The following KCND2 variants were observed in gnomAD, a reference collection of about 807,000 sequenced individuals.
KCND2 encodes the protein A-type voltage-gated potassium channel KCND2.
Under a neutral mutation model 54.4 loss-of-function variants are expected in KCND2, and 16 were observed. The observed-to-expected ratio is 0.29, with a 90% CI of 0.20 to 0.45. The LOEUF (loss-of-function observed/expected upper bound fraction) is 0.45, where lower values mean the gene tolerates loss of function less well. Ranked by LOEUF, KCND2 falls within the 20% of genes least tolerant of loss-of-function variation. The pLI is 1.00. For synonymous variants in KCND2, 317 were observed against 310.7 expected, an observed-to-expected ratio of 1.02 and a Z score of -0.21; for missense variants, 486 against 824.2, an observed-to-expected ratio of 0.59 and a Z score of 5.02.
chr7:120,342,244 T>C (rs890735135), intron 1 of KCND2, among the ~76,000 whole-genome samples: 2 of 152,162 alleles, frequency 1.3e-5, no homozygotes, highest in African/African-American at 4.8e-5. Context: ...TAAAGTGTTT[T>C]GTCTCTGGAA....
intron 1 of KCND2, among the ~76,000 whole-genome samples, chr7:120,420,875 C>T (rs1232592934): frequency 6.6e-6 from 1 of 152,140 alleles, no homozygotes; most frequent in Admixed American, 6.6e-5. Flanking sequence ...AATCATTCGA[C>T]ATACATAAAA....
chr7:120,504,672 TG>T (rs1432824043), intron 1 of KCND2, among the ~76,000 whole-genome samples: 1 of 151,876 alleles, frequency 6.6e-6, no homozygotes, highest in African/African-American at 2.4e-5. Flanking sequence ...AGAAAAATAT[TG>T]GTATACATGT....
At chr7:120,663,112 T>C (rs1238253320) in intron 1 of KCND2, among the ~76,000 whole-genome samples, 4 of 152,220 alleles carry the variant, frequency 2.6e-5, no homozygotes, top group Non-Finnish European at 2.9e-5. Context: ...ATTTGTACCA[T>C]GTAGCGGTAC....
chr7:120,585,384 T>C (rs1036597904), intron 1 of KCND2, among the ~76,000 whole-genome samples: 2 of 152,052 alleles, frequency 1.3e-5, no homozygotes, highest in Non-Finnish European at 1.5e-5. Flanking sequence ...GAGTTTGATA[T>C]GGTCTGATTT....
chr7:120,489,170 C>T (rs1379276756), intron 1 of KCND2, among the ~76,000 whole-genome samples: 1 of 151,894 alleles, frequency 6.6e-6, no homozygotes, highest in African/African-American at 2.4e-5. Context: ...TCATCTAGAA[C>T]ATGTAGCATA....
At chr7:120,467,898 T>G (rs1403114222) in intron 1 of KCND2, among the ~76,000 whole-genome samples, 1 of 152,064 alleles carries the variant, frequency 6.6e-6, no homozygotes, top group Non-Finnish European at 1.5e-5. Context: ...ATCTGGAACA[T>G]AAATCCATAA....
intron 1 of KCND2, among the ~76,000 whole-genome samples, chr7:120,393,391 A>G (rs1801106351): frequency 6.6e-6 from 1 of 152,028 alleles, no homozygotes; most frequent in South Asian, 2.1e-4. Flanking sequence ...CTTTACTTTT[A>G]ACTCTTAAAC....
intron 1 of KCND2, among the ~76,000 whole-genome samples, chr7:120,667,149 G>A (rs1791936904): frequency 6.6e-6 from 1 of 152,124 alleles, no homozygotes; most frequent in East Asian, 1.9e-4. Context: ...TTTTTCCCGT[G>A]GTGGAATAAG....
intron 1 of KCND2, among the ~76,000 whole-genome samples, chr7:120,703,086 G>T (rs1258323196): frequency 4.6e-5 from 7 of 152,124 alleles, no homozygotes; most frequent in Admixed American, 1.3e-4. Flanking sequence ...TGTCCTCAGT[G>T]GTCCCGTGCT....
intron 1 of KCND2, among the ~76,000 whole-genome samples, chr7:120,639,442 C>G (rs1347757049): frequency 2.0e-5 from 3 of 152,122 alleles, no homozygotes; most frequent in African/African-American, 4.8e-5. Flanking sequence ...GGGCCTCTGT[C>G]CCTTCATTTT....
In KCND2 at chr7:120,734,475, G is replaced by A. The variant is rs752055107; in HGVS notation, c.1278+1410G>A. Among the ~76,000 whole-genome samples, 36 of 152,056 alleles carry A rather than the reference G, an allele frequency of 2.4e-4. 1 individual carries two copies. Among genetic ancestry groups the A allele is most frequent in the Non-Finnish European group, 1.5e-5 (1 of 67,988 alleles). ...AATTGTAAAGTCACATACCTGTTAA[G>A]TTGGAGATCCACCATTCCATCCAAG... On this transcript the variant is annotated intron_variant, in intron 2 of 5. Transcript: ENST00000331113.
chr7:120,537,056 G>A (rs1295443973), intron 1 of KCND2, among the ~76,000 whole-genome samples: 1 of 152,134 alleles, frequency 6.6e-6, no homozygotes, highest in African/African-American at 2.4e-5. Flanking sequence ...AGATTCATCA[G>A]TGGAATCACT....
chr7:120,327,587 A>C (rs1799996784), intron 1 of KCND2, among the ~76,000 whole-genome samples: 1 of 152,124 alleles, frequency 6.6e-6, no homozygotes, highest in Non-Finnish European at 1.5e-5. Flanking sequence ...TATAGGAAAT[A>C]GTTCTAATAT....
At chr7:120,643,165 T>A (rs1461946382) in intron 1 of KCND2, among the ~76,000 whole-genome samples, 1 of 152,224 alleles carries the variant, frequency 6.6e-6, no homozygotes, top group African/African-American at 2.4e-5. Flanking sequence ...TGCCATTTAG[T>A]TTTCCACATA....
chr7:120,616,242 A>G (rs1262234340), intron 1 of KCND2, among the ~76,000 whole-genome samples: 1 of 152,162 alleles, frequency 6.6e-6, no homozygotes, highest in Non-Finnish European at 1.5e-5. Context: ...CTAAGGAAAA[A>G]TCATTTTACC....
In KCND2 at chr7:120,621,575, A is replaced by T. The variant is rs144184961; in HGVS notation, c.1116-111328A>T. On this transcript the variant is annotated intron_variant, in intron 1 of 5. Coordinates refer to ENST00000331113, the MANE Select transcript of KCND2 (RefSeq NM_012281.3). ...CAGTGAAGTAAGCTTTTAATTTTTTAAAAAAATTTAAGATCTACTGATTAT... is the reference window on the plus strand; with the variant it reads ...CAGTGAAGTAAGCTTTTAATTTTTTTAAAAAATTTAAGATCTACTGATTAT... Among the ~76,000 whole-genome samples the T allele has an allele frequency of 7.4e-3, 1,123 of 152,242 alleles. 11 individuals are homozygous for T. The highest frequency in any genetic ancestry group is 0.024 in the African/African-American group (998 of 41,544).
intron 1 of KCND2, among the ~76,000 whole-genome samples, chr7:120,627,651 G>A (rs74712595): frequency 0.041 from 6,300 of 152,138 alleles, 170 homozygotes; most frequent in Non-Finnish European, 0.068. Flanking sequence ...GAATTAAAAT[G>A]ACATGTTTTG....
chr7:120,460,351 G>C (rs1017742456), intron 1 of KCND2, among the ~76,000 whole-genome samples: 22 of 152,098 alleles, frequency 1.4e-4, no homozygotes, highest in Non-Finnish European at 4.4e-5. Context: ...ATGTGCCTAA[G>C]GTCATCTATC....
At chr7:120,355,304 T>C (rs1288018834) in intron 1 of KCND2, among the ~76,000 whole-genome samples, 1 of 152,156 alleles carries the variant, frequency 6.6e-6, no homozygotes, top group Non-Finnish European at 1.5e-5. Context: ...CCCAGTGCTT[T>C]GAGAGGCAGA....
Sources: gnomAD v4.1 joint callset for allele counts (sites outside exome capture counted in the v4.1 genomes callset) on GRCh38, gnomAD v4.1.1 for gene constraint, MANE v1.5 for transcripts, NCBI Gene and HGNC (gene_info 2026-07-23, HGNC 2026-07-21) for gene names.